The following ZMAT4 variants were observed in gnomAD, a reference collection of about 807,000 sequenced individuals.
ZMAT4 encodes zinc finger matrin-type 4, also known as zinc finger matrin-type protein 4.
Under a neutral mutation model 28.7 loss-of-function variants are expected in ZMAT4, and 17 were observed. That is an observed-to-expected ratio of 0.59 (90% confidence interval 0.41 to 0.89). The LOEUF (loss-of-function observed/expected upper bound fraction) is 0.89. Ranked by LOEUF, ZMAT4 falls within the 40% of genes least tolerant of loss-of-function variation. The pLI is 0.00. For missense variants in ZMAT4, 240 were observed against 283.8 expected (o/e 0.85, Z 1.11); for synonymous variants, 117 against 109.2 (o/e 1.07, Z -0.44).
At chr8:40,850,190 C>T (rs1254122385) in intron 1 of ZMAT4, among the ~76,000 whole-genome samples, 3 of 152,034 alleles carry the variant, frequency 2.0e-5, no homozygotes, top group African/African-American at 7.2e-5. Flanking sequence ...AATCAGAACC[C>T]GGCCCTCCCT....
intron 6 of ZMAT4, among the ~76,000 whole-genome samples, chr8:40,542,611 A>G (rs969423159): frequency 4.6e-5 from 7 of 151,798 alleles, no homozygotes; most frequent in East Asian, 3.9e-4. Context: ...CTGGTCTCCA[A>G]CTCCTGGCCT....
chr8:40,732,240 C>T (rs1212592173), intron 3 of ZMAT4, among the ~76,000 whole-genome samples: 1 of 151,840 alleles, frequency 6.6e-6, no homozygotes, highest in Non-Finnish European at 1.5e-5. Context: ...TGTTTTACCC[C>T]AATTTTTAAA....
At chr8:40,840,678 T>C (rs1269954413) in intron 1 of ZMAT4, among the ~76,000 whole-genome samples, 1 of 152,162 alleles carries the variant, frequency 6.6e-6, no homozygotes, top group South Asian at 2.1e-4. Flanking sequence ...TGAGTAGCAT[T>C]TATGCAGTAC....
intron 2 of ZMAT4, among the ~76,000 whole-genome samples, chr8:40,780,081 A>T (rs1338157175): frequency 1.3e-5 from 2 of 151,760 alleles, no homozygotes; most frequent in Non-Finnish European, 2.9e-5. Flanking sequence ...CTTGCCCTTT[A>T]GCTATCCGAA....
intron 1 of ZMAT4, among the ~76,000 whole-genome samples, chr8:40,845,932 C>T (rs1372043909): frequency 1.3e-5 from 2 of 152,072 alleles, no homozygotes; most frequent in African/African-American, 4.8e-5. Context: ...TGACAGATGG[C>T]CCTCCAGCAG....
At position 40,843,475 on chromosome 8, in the gene ZMAT4, A is replaced by T. The variant is rs530928718; in HGVS notation, c.-4-17795T>A. 2.6e-5 allele frequency among the ~76,000 whole-genome samples: 4 copies of T among 152,274 alleles called. No individual in the cohort carries two copies. The East Asian group carries it at 7.7e-4, about 29-fold the overall frequency. On this transcript the variant is annotated intron_variant, in intron 1 of 6. Transcript: ENST00000297737. The stretch of plus-strand genomic sequence containing the variant: ...TGGAGCTGAGGAAGAGACCCATAAG[A>T]TCCTGCTTTTACAGGGGACAGAATG...
intron 1 of ZMAT4, among the ~76,000 whole-genome samples, chr8:40,874,289 G>A (rs1008574226): frequency 6.6e-6 from 1 of 152,228 alleles, no homozygotes; most frequent in African/African-American, 2.4e-5. Flanking sequence ...TCCAGCTGTG[G>A]AGATCAGCAC....
At chr8:40,676,305 T>C (rs1395098777) in intron 4 of ZMAT4, among the ~76,000 whole-genome samples, 1 of 152,218 alleles carries the variant, frequency 6.6e-6, no homozygotes, top group Non-Finnish European at 1.5e-5. Flanking sequence ...CATCTTTCTA[T>C]TTCATATAGG....
chr8:40,787,817 G>T (rs1351580310), intron 2 of ZMAT4, among the ~76,000 whole-genome samples: 2 of 152,174 alleles, frequency 1.3e-5, no homozygotes, highest in Non-Finnish European at 2.9e-5. Flanking sequence ...GAGGTTTCAT[G>T]TGCTGCTCAG....
At chr8:40,548,631 C>A (rs1473100909) in intron 6 of ZMAT4, among the ~76,000 whole-genome samples, 1 of 152,128 alleles carries the variant, frequency 6.6e-6, no homozygotes, top group Non-Finnish European at 1.5e-5. Context: ...GTCTCACCAT[C>A]GCTCATAAGA....
intron 3 of ZMAT4, among the ~76,000 whole-genome samples, chr8:40,700,419 T>C (rs1273086273): frequency 1.4e-5 from 2 of 140,006 alleles, no homozygotes; most frequent in Non-Finnish European, 3.1e-5. Flanking sequence ...TTCTTTTTTT[T>C]TTTTTTTTTT....
At chr8:40,569,399 G>A (rs899887213) in intron 6 of ZMAT4, among the ~76,000 whole-genome samples, 3 of 152,150 alleles carry the variant, frequency 2.0e-5, no homozygotes, top group Non-Finnish European at 4.4e-5. Flanking sequence ...AAAAATCAAC[G>A]TCAGCTATAG....
At chr8:40,614,120 CT>C (rs1805905539) in intron 5 of ZMAT4, among the ~76,000 whole-genome samples, 1 of 152,168 alleles carries the variant, frequency 6.6e-6, no homozygotes, top group Admixed American at 6.5e-5. Flanking sequence ...TGCTTTGCGT[CT>C]TTCTTTGAAC....
intron 5 of ZMAT4, among the ~76,000 whole-genome samples, chr8:40,613,751 G>C (rs1805891017): frequency 1.3e-5 from 2 of 152,170 alleles, no homozygotes; most frequent in Admixed American, 6.5e-5. Context: ...CGCATGCCCT[G>C]AGTTTCCAGC....
chr8:40,801,365 T>TATATATATATATATATAC (rs1554559774), intron 2 of ZMAT4, among the ~76,000 whole-genome samples: 48 of 144,344 alleles, frequency 3.3e-4, no homozygotes, highest in African/African-American at 1.1e-3. Context: ...TATATATATA[T>TATATATATATATATATAC]ATATATACAT....
chr8:40,642,338 T>C (rs956275153), intron 5 of ZMAT4, among the ~76,000 whole-genome samples: 1 of 152,182 alleles, frequency 6.6e-6, no homozygotes, highest in African/African-American at 2.4e-5. Flanking sequence ...ACAAAAGTTA[T>C]GCTAGGTTAT....
At chr8:40,564,335 C>T (rs187134512) in intron 6 of ZMAT4, among the ~76,000 whole-genome samples, 88 of 152,194 alleles carry the variant, frequency 5.8e-4, no homozygotes, top group African/African-American at 2.0e-3. Context: ...TACAGGATTG[C>T]CCAACCCTGG....
intron 5 of ZMAT4, among the ~76,000 whole-genome samples, chr8:40,611,704 C>A (rs779791757): frequency 6.6e-6 from 1 of 152,162 alleles, no homozygotes; most frequent in Non-Finnish European, 1.5e-5. Context: ...ATTACCCTGT[C>A]CTACATCATA....
chr8:40,569,157 T>TGG (rs1804014563), intron 6 of ZMAT4, among the ~76,000 whole-genome samples: 1 of 152,160 alleles, frequency 6.6e-6, no homozygotes, highest in Non-Finnish European at 1.5e-5. Flanking sequence ...CCAGCCAAAA[T>TGG]GAGCTCTTAT....
Sources: gnomAD v4.1 joint callset for allele counts (sites outside exome capture counted in the v4.1 genomes callset) on GRCh38, gnomAD v4.1.1 for gene constraint, MANE v1.5 for transcripts, NCBI Gene and HGNC (gene_info 2026-07-23, HGNC 2026-07-21) for gene names.